ROBO2: variants seen among roughly 807,000 people sequenced by gnomAD.
ROBO2 encodes the protein roundabout guidance receptor 2.
Under a neutral mutation model 160.8 loss-of-function variants are expected in ROBO2, and 53 were observed. That is an observed-to-expected ratio of 0.33 (90% confidence interval 0.26 to 0.41). ROBO2 has a LOEUF of 0.41. ROBO2 is among the 10% of genes least tolerant of loss of function. ROBO2 has a pLI of 1.00. For missense variants in ROBO2, 1,577 were observed against 1,722.4 expected (o/e 0.92, Z 1.49); for synonymous variants, 664 against 611.7 (o/e 1.09, Z -1.26).
At chr3:77,102,208 C>T (rs779264927) in intron 2 of ROBO2, among the ~76,000 whole-genome samples, 6 of 152,162 alleles carry the variant, frequency 3.9e-5, no homozygotes, top group Non-Finnish European at 8.8e-5. Context: ...TAGAATGGAG[C>T]TCTGAATGGA....
At chr3:77,401,043 C>T (rs895125696) in intron 2 of ROBO2, among the ~76,000 whole-genome samples, 12 of 151,412 alleles carry the variant, frequency 7.9e-5, no homozygotes, top group Non-Finnish European at 5.9e-5. Context: ...ATTGTTTCCA[C>T]GATTCTTGGT....
chr3:76,796,511 A>AGAAGGAAGGAAGGAAGGAAGGAAG lies in ROBO2; in HGVS notation c.110-301497_110-301474dup, dbSNP rs144512442. Among the ~76,000 whole-genome samples the AGAAGGAAGGAAGGAAGGAAGGAAG allele has an allele frequency of 5.4e-4, 78 of 144,586 alleles. 1 individual carries two copies. Among genetic ancestry groups the AGAAGGAAGGAAGGAAGGAAGGAAG allele is most frequent in the African/African-American group, 1.8e-3 (70 of 37,978 alleles). The allele number at this position is 144,586 out of a possible 152,430, so 94.9% of individuals were successfully genotyped here. On this transcript the variant is annotated intron_variant, in intron 2 of 26. Transcript: ENST00000487694. ...AGGAAGGAAGGAAGGAAAGAAGGAA[A>AGAAGGAAGGAAGGAAGGAAGGAAG]GAAGGAAGGAAGGAAGGAAGGAAGG...
At chr3:76,359,438 C>G (rs1306706688) in intron 2 of ROBO2, among the ~76,000 whole-genome samples, 1 of 151,972 alleles carries the variant, frequency 6.6e-6, no homozygotes, top group Non-Finnish European at 1.5e-5. Flanking sequence ...CCTATAATAG[C>G]AAATACAAGT....
intron 2 of ROBO2, among the ~76,000 whole-genome samples, chr3:76,043,258 C>T (rs1355241055): frequency 6.6e-6 from 1 of 151,720 alleles, no homozygotes; most frequent in Non-Finnish European, 1.5e-5. Flanking sequence ...TTTTAGTCAT[C>T]TCCTCTTTTC....
intron 21 of ROBO2, among the ~76,000 whole-genome samples, chr3:77,613,200 T>C (rs1490666496): frequency 6.6e-6 from 1 of 152,012 alleles, no homozygotes; most frequent in Non-Finnish European, 1.5e-5. Flanking sequence ...ACATATTTCT[T>C]CTAATATATT....
At position 76,134,891 on chromosome 3, in the gene ROBO2, T is replaced by A. The variant is rs146443090; in HGVS notation, c.109+197289T>A. On this transcript the variant is annotated intron_variant, in intron 2 of 26. Transcript: ENST00000487694. ...ACAAAAAAAAATAAGTAGGGTAGAC[T>A]AAGCCACGGTAACAAATTGACCCAA... Among the ~76,000 whole-genome samples the A allele has an allele frequency of 1.4e-3, 217 of 152,238 alleles. 1 individual carries two copies. Among genetic ancestry groups the A allele is most frequent in the African/African-American group, 5.1e-3 (213 of 41,556 alleles).
chr3:76,990,158 A>G (rs984517897), intron 2 of ROBO2, among the ~76,000 whole-genome samples: 1 of 152,208 alleles, frequency 6.6e-6, no homozygotes, highest in African/African-American at 2.4e-5. Context: ...TAGGGTAGCT[A>G]TTACAAACTC....
chr3:76,007,307 TG>T (rs2066050878), intron 2 of ROBO2, among the ~76,000 whole-genome samples: 1 of 152,178 alleles, frequency 6.6e-6, no homozygotes, highest in South Asian at 2.1e-4. Flanking sequence ...GCACTTTTTT[TG>T]TATGAAATCA....
At chr3:77,620,765 G>A (rs1463719243) in intron 22 of ROBO2, among the ~76,000 whole-genome samples, 1 of 152,124 alleles carries the variant, frequency 6.6e-6, no homozygotes, top group Non-Finnish European at 1.5e-5. Flanking sequence ...ACAAATTCGG[G>A]AAGATTAAAA....
intron 2 of ROBO2, among the ~76,000 whole-genome samples, chr3:77,240,036 G>C (rs2088750346): frequency 6.6e-6 from 1 of 152,192 alleles, no homozygotes; most frequent in Non-Finnish European, 1.5e-5. Flanking sequence ...TTGCCTAGTG[G>C]ATCCCATGCC....
chr3:77,428,337 A>ATTTTTTTTTTTTTTTTTTTTTTTTT (rs1491236295), intron 2 of ROBO2, among the ~76,000 whole-genome samples: 1 of 128,224 alleles, frequency 7.8e-6, no homozygotes, highest in Non-Finnish European at 1.6e-5. Flanking sequence ...AACTTAGGTA[A>ATTTTTTTTTTTTTTTTTTTTTTTTT]TATTTTTTTT....
chr3:76,255,209 C>T (rs745553312), intron 2 of ROBO2, among the ~76,000 whole-genome samples: 2 of 152,040 alleles, frequency 1.3e-5, no homozygotes, highest in Non-Finnish European at 2.9e-5. Context: ...ACAGGGCTTA[C>T]GTTCATCAGA....
intron 2 of ROBO2, among the ~76,000 whole-genome samples, chr3:76,436,181 C>CACACACACACACACACA (rs1559941598): frequency 6.6e-5 from 10 of 151,352 alleles, no homozygotes; most frequent in Admixed American, 2.0e-4. Flanking sequence ...CACACACACA[C>CACACACACACACACACA]CATTTCTTTT....
At chr3:76,210,008 T>C (rs925445584) in intron 2 of ROBO2, among the ~76,000 whole-genome samples, 16 of 152,102 alleles carry the variant, frequency 1.1e-4, no homozygotes, top group African/African-American at 3.9e-4. Context: ...TCACTTGAGT[T>C]GATTGGACAC....
intron 2 of ROBO2, among the ~76,000 whole-genome samples, chr3:77,142,963 CAACGGAA>C (rs1055748486): frequency 8.6e-4 from 131 of 152,174 alleles, no homozygotes; most frequent in African/African-American, 3.1e-3. Context: ...GTCACTCTGT[CAACGGAA>C]AACAAAATGA....
intron 2 of ROBO2, among the ~76,000 whole-genome samples, chr3:77,457,350 A>G (rs1582107951): frequency 6.6e-6 from 1 of 152,322 alleles, no homozygotes; most frequent in African/African-American, 2.4e-5. Flanking sequence ...AGCAATAGCT[A>G]TATAATAGGG....
intron 23 of ROBO2, chr3:77,629,655 A>T (rs1250292497): frequency 6.6e-6 from 1 of 152,206 alleles, no homozygotes; most frequent in South Asian, 2.1e-4. Flanking sequence ...CATATATATC[A>T]CATATATGTA....
chr3:76,874,614 G>T (rs896300199), intron 2 of ROBO2, among the ~76,000 whole-genome samples: 3 of 152,190 alleles, frequency 2.0e-5, no homozygotes, highest in Non-Finnish European at 4.4e-5. Flanking sequence ...AGGAGAAAAT[G>T]ATGGTTATTT....
chr3:77,245,073 C>T lies in ROBO2; in HGVS notation c.388+146733C>T, dbSNP rs190374506. 7.6e-4 allele frequency among the ~76,000 whole-genome samples: 116 copies of T among 151,696 alleles called. No homozygotes were observed. In the East Asian group the frequency reaches 0.02, roughly 26 times the overall value. On this transcript the variant is annotated intron_variant, in intron 2 of 25. Transcript: ENST00000461745. ...GGATGATGGCTAAAAGTAAAATGAACCAAGTTTTGTGCATGCTGCATTTTA... is the reference window on the plus strand; with the variant it reads ...GGATGATGGCTAAAAGTAAAATGAATCAAGTTTTGTGCATGCTGCATTTTA...
Sources: allele counts gnomAD v4.1 joint callset (sites outside exome capture counted in the v4.1 genomes callset), GRCh38; gene constraint gnomAD v4.1.1; transcripts MANE v1.5; gene names NCBI Gene and HGNC (gene_info 2026-07-23, HGNC 2026-07-21).